Variants in ARHGAP42 observed in about 807,000 individuals in gnomAD.
The protein encoded by ARHGAP42 is rho GTPase-activating protein 42.
In ARHGAP42, 63 loss-of-function variants were observed where a neutral mutation model predicts 125.0. The observed-to-expected ratio is 0.50, with a 90% CI of 0.41 to 0.62. The LOEUF (loss-of-function observed/expected upper bound fraction) is 0.62. Among genes scored for constraint, ARHGAP42 ranks in the 20% least tolerant of loss-of-function variants. The probability of loss-of-function intolerance (pLI) is 0.00; values close to 1 mark genes in which losing one functional copy is unlikely to be tolerated. For missense variants in ARHGAP42, 766 were observed against 1,024.2 expected, an observed-to-expected ratio of 0.75 and a Z score of 3.44; for synonymous variants, 339 against 351.0, an observed-to-expected ratio of 0.97 and a Z score of 0.38.
At chr11:100,867,171 A>G (rs918064220) in intron 4 of ARHGAP42, among the ~76,000 whole-genome samples, 6 of 152,210 alleles carry the variant, frequency 3.9e-5, no homozygotes, top group Non-Finnish European at 8.8e-5. Context: ...GGAATGGTAA[A>G]TTAGCATTGG....
intron 3 of ARHGAP42, among the ~76,000 whole-genome samples, chr11:100,802,500 C>T (rs1410251894): frequency 6.6e-6 from 1 of 151,116 alleles, no homozygotes; most frequent in Non-Finnish European, 1.5e-5. Context: ...TCTTGACTCA[C>T]TGCAGCCTCC....
intron 4 of ARHGAP42, among the ~76,000 whole-genome samples, chr11:100,891,083 A>G (rs1173578803): frequency 4.6e-5 from 7 of 152,196 alleles, no homozygotes; most frequent in South Asian, 4.1e-4. Context: ...AACTGAGTAG[A>G]TGGTTTTTCT....
intron 1 of ARHGAP42, among the ~76,000 whole-genome samples, chr11:100,709,123 C>T (rs1847149): frequency 0.52 from 79,528 of 151,850 alleles, 21,667 homozygotes; most frequent in African/African-American, 0.7. Context: ...CACTGCAACC[C>T]CTGCCTCCTG....
At chr11:100,958,548 T>C (rs758594336) in intron 12 of ARHGAP42, among the ~76,000 whole-genome samples, 5 of 151,834 alleles carry the variant, frequency 3.3e-5, no homozygotes, top group African/African-American at 4.8e-5. Context: ...TATACACACA[T>C]ATATATATAT....
intron 1 of ARHGAP42, among the ~76,000 whole-genome samples, chr11:100,710,790 C>T (rs950710275): frequency 2.0e-5 from 3 of 152,104 alleles, no homozygotes; most frequent in Non-Finnish European, 2.9e-5. Flanking sequence ...CTGCCCGCCT[C>T]GGTCTCCCAA....
intron 4 of ARHGAP42, chr11:100,859,946 A>G (rs1050185480): frequency 1.6e-5 from 3 of 192,706 alleles, no homozygotes; most frequent in Non-Finnish European, 3.1e-5. Context: ...CACAGGGCAC[A>G]TTGAAAATTC....
At chr11:100,877,348 A>G (rs1381792405) in intron 4 of ARHGAP42, among the ~76,000 whole-genome samples, 2 of 152,176 alleles carry the variant, frequency 1.3e-5, no homozygotes, top group African/African-American at 4.8e-5. Flanking sequence ...AGTTTAATTT[A>G]TGCCTTGAAA....
intron 3 of ARHGAP42, among the ~76,000 whole-genome samples, chr11:100,850,422 G>A (rs1865174930): frequency 6.6e-6 from 1 of 152,138 alleles, no homozygotes; most frequent in Admixed American, 6.6e-5. Flanking sequence ...GTACTGCAAT[G>A]TCACAACAGC....
intron 3 of ARHGAP42, among the ~76,000 whole-genome samples, chr11:100,855,408 G>A (rs1865300529): frequency 6.6e-6 from 1 of 151,990 alleles, no homozygotes; most frequent in African/African-American, 2.4e-5. Flanking sequence ...ATTGTTAAGA[G>A]ACATACCTTT....
At chr11:100,946,700 C>T (rs1237667026) in intron 10 of ARHGAP42, among the ~76,000 whole-genome samples, 1 of 151,938 alleles carries the variant, frequency 6.6e-6, no homozygotes, top group Non-Finnish European at 1.5e-5. Context: ...TGGTTAATGG[C>T]ACCCCAAAAT....
In ARHGAP42 at chr11:100,859,769, A is replaced by G. The variant is rs367588102; in HGVS notation, c.384+144A>G. ...AAAACTTTTTGCATAGAGACTTAAC[A>G]AAGACTGGACTTCTTTTAGACATAA... is the stretch of plus-strand genomic sequence containing the variant. On this transcript the variant is annotated intron_variant, in intron 4 of 23. Coordinates refer to ENST00000298815, the MANE Select transcript of ARHGAP42 (RefSeq NM_152432.4). 45 of 559,050 alleles carry G rather than the reference A, an allele frequency of 8.0e-5. 1 individual carries two copies. Among genetic ancestry groups the G allele is most frequent in the East Asian group, 6.2e-4 (19 of 30,534 alleles). The allele number at this position is 559,050 out of a possible 1,614,324, so 34.6% of individuals were successfully genotyped here. A position where few individuals can be genotyped will look rare whatever the true frequency, so the allele number is the denominator to read the frequency against.
At chr11:100,805,852 A>G (rs1309387851) in intron 3 of ARHGAP42, among the ~76,000 whole-genome samples, 2 of 152,088 alleles carry the variant, frequency 1.3e-5, no homozygotes, top group Non-Finnish European at 2.9e-5. Context: ...AATGAGGATG[A>G]CCAGAGGTCC....
chr11:100,873,680 A>G (rs1823608669), intron 4 of ARHGAP42, among the ~76,000 whole-genome samples: 1 of 152,206 alleles, frequency 6.6e-6, no homozygotes, highest in Admixed American at 6.5e-5. Flanking sequence ...GATGACTCAC[A>G]TATATTTACT....
At chr11:100,903,635 G>A (rs1866623981) in intron 4 of ARHGAP42, among the ~76,000 whole-genome samples, 1 of 146,950 alleles carries the variant, frequency 6.8e-6, no homozygotes, top group Admixed American at 6.9e-5. Flanking sequence ...TCCAAGGGGA[G>A]ATTGACACTT....
At position 100,699,641 on chromosome 11, in the gene ARHGAP42, G is replaced by A. The variant is rs909487498; in HGVS notation, c.154+11809G>A. Among the ~76,000 whole-genome samples, 3 of 145,660 alleles carry A rather than the reference G, an allele frequency of 2.1e-5. No homozygotes were observed. The East Asian group carries it at 6.4e-4, about 31-fold the overall frequency. Reference sequence around the variant, plus strand: ...GGGTTCAAGCGATTCTCCTGCCTCAGCCTCCCAAGCAGCTGGGATTACAGA... The same window carrying A: ...GGGTTCAAGCGATTCTCCTGCCTCAACCTCCCAAGCAGCTGGGATTACAGA... On this transcript the variant is annotated intron_variant, in intron 1 of 23. Transcript: ENST00000298815.
intron 3 of ARHGAP42, among the ~76,000 whole-genome samples, chr11:100,796,858 C>T (rs1863729841): frequency 6.6e-6 from 1 of 150,844 alleles, no homozygotes; most frequent in Non-Finnish European, 1.5e-5. Flanking sequence ...CAACCTCTGC[C>T]TCCTGGGTTC....
chr11:100,966,400 A>G (rs1386670203), intron 17 of ARHGAP42, among the ~76,000 whole-genome samples: 1 of 152,180 alleles, frequency 6.6e-6, no homozygotes, highest in Non-Finnish European at 1.5e-5. Context: ...TTGATTATGG[A>G]AGCTAATAAG....
At chr11:100,701,493 A>G (rs1861395864) in intron 1 of ARHGAP42, among the ~76,000 whole-genome samples, 2 of 152,228 alleles carry the variant, frequency 1.3e-5, no homozygotes, top group South Asian at 2.1e-4. Context: ...ACCTTCATCC[A>G]TACTCTTAGC....
intron 12 of ARHGAP42, among the ~76,000 whole-genome samples, chr11:100,956,529 C>G (rs982365418): frequency 6.6e-6 from 1 of 152,100 alleles, no homozygotes; most frequent in African/African-American, 2.4e-5. Context: ...AGACACATGT[C>G]ACTTCTGTTC....
Sources: gnomAD v4.1 joint callset for allele counts (sites outside exome capture counted in the v4.1 genomes callset) on GRCh38, gnomAD v4.1.1 for gene constraint, MANE v1.5 for transcripts, NCBI Gene and HGNC (gene_info 2026-07-23, HGNC 2026-07-21) for gene names.